Variants in TBX21 observed in about 807,000 individuals in gnomAD.
TBX21 encodes the protein T-box transcription factor TBX21.
A neutral mutation model predicts 52.2 loss-of-function variants in TBX21; 11 were observed. The observed-to-expected ratio is 0.21, with a 90% CI of 0.13 to 0.35. TBX21 has a LOEUF of 0.35. Ranked by LOEUF, TBX21 falls within the 10% of genes least tolerant of loss-of-function variation. TBX21 has a pLI of 1.00. For missense variants in TBX21, 625 were observed against 755.1 expected (o/e 0.83, Z 2.02); for synonymous variants, 300 against 316.1 (o/e 0.95, Z 0.54).
rs1280701267 is a variant in TBX21 at position 47,733,719 on chromosome 17, G to A, written c.265G>A (p.Ala89Thr). ...ACCCCAGGCGGCCGGCTTCCCCGGC[G>A]CGGGCGAGTCCTTCCCGCCGCCCGC... ...PRPQAAGFPG[A>T]GESFPPPADA... Residue 89 changes from alanine (A) to threonine (T), a missense_variant, in exon 1 of 6, where the codon GCG becomes ACG. By Grantham distance (58) the Ala-to-Thr change is moderately conservative. This residue lies in a region of TBX21 where 221 missense variants were observed against 204.9 expected (regional missense o/e 1.08). Transcript: ENST00000177694. The surrounding 1 kb of genome is among the most constrained non-coding windows in gnomAD (Gnocchi z 6.6). 3 of 1,420,632 alleles carry A rather than the reference G, an allele frequency of 2.1e-6. No individual in the cohort carries two copies. Among genetic ancestry groups the A allele is most frequent in the East Asian group, 3.1e-5 (1 of 32,436 alleles). The allele number at this position is 1,420,632 out of a possible 1,614,324, so 88.0% of individuals were successfully genotyped here.
intron 1 of TBX21, among the ~76,000 whole-genome samples, chr17:47,741,587 G>A (rs1275314950): frequency 6.6e-6 from 1 of 152,130 alleles, no homozygotes; most frequent in Non-Finnish European, 1.5e-5. Flanking sequence ...AAAGGCTGAG[G>A]GCAGACTATA....
At chr17:47,743,022 C>T (rs1036577543) in intron 2 of TBX21, 49 bp from the exon 3 acceptor site, 2 of 1,606,534 alleles carry the variant, frequency 1.2e-6, no homozygotes, top group African/African-American at 2.7e-5. Context: ...CCTACATCAC[C>T]AGGGTTCTGT....
chr17:47,734,170 C>T (rs1403728411), intron 1 of TBX21, among the ~76,000 whole-genome samples: 13 of 151,988 alleles, frequency 8.6e-5, no homozygotes, highest in African/African-American at 2.4e-5. Flanking sequence ...ACAAGGGAGA[C>T]GGGTGAGTGC....
At position 47,742,631 on chromosome 17, in the gene TBX21, A is replaced by AT; in HGVS notation, c.516dup (p.Thr173TyrfsTer93). 1 of 1,603,488 alleles carries AT rather than the reference A, an allele frequency of 6.2e-7. No homozygotes were observed. The highest frequency in any genetic ancestry group is 8.5e-7 in the Non-Finnish European group (1 of 1,175,540). ...CCAGGCGGATGTTCCCATTCCTGTC[A>AT]TTTACTGTGGCCGGGCTGGAGCCCA... On this transcript the variant is annotated frameshift_variant, in exon 2 of 6. Transcript: ENST00000177694. LOFTEE classifies it high-confidence loss of function. The surrounding 1 kb of genome is among the most constrained non-coding windows in gnomAD (Gnocchi z 4.4).
intron 1 of TBX21, among the ~76,000 whole-genome samples, chr17:47,734,474 C>T (rs2143419105): frequency 6.7e-6 from 1 of 149,412 alleles, no homozygotes; most frequent in Admixed American, 6.7e-5. Flanking sequence ...TGTGTGTGTA[C>T]GGGGGGAGAT....
At chr17:47,734,856 T>G (rs1388964702) in intron 1 of TBX21, among the ~76,000 whole-genome samples, 1 of 152,030 alleles carries the variant, frequency 6.6e-6, no homozygotes, top group East Asian at 1.9e-4. Context: ...GCTTCATGGC[T>G]CAGGGTTCCT....
chr17:47,745,591 C>G lies in TBX21; in HGVS notation c.*225C>G, dbSNP rs2143440287. 2 of 532,322 alleles carry G rather than the reference C, an allele frequency of 3.8e-6. No individual in the cohort carries two copies. Among genetic ancestry groups the G allele is most frequent in the East Asian group, 6.4e-5 (2 of 31,090 alleles). The allele number at this position is 532,322 out of a possible 1,614,324, so 33.0% of individuals were successfully genotyped here. ...GGTGTCCCCTTGCCCCATCCTCTGC[C>G]CTAACTACAGTCGTTTACCTGGTGC... On this transcript the variant is annotated 3_prime_UTR_variant, in exon 6 of 6. Transcript: ENST00000177694.
At chr17:47,734,601 G>A (rs866187033) in intron 1 of TBX21, among the ~76,000 whole-genome samples, 141 of 116,312 alleles carry the variant, frequency 1.2e-3, no homozygotes, top group Middle Eastern at 8.8e-3. Context: ...GTGTGTGTGT[G>A]TGTGTGTGTA....
chr17:47,743,332 T>C (rs2032289061), intron 3 of TBX21, 140 bp downstream of exon 3: 1 of 1,189,410 alleles, frequency 8.4e-7, no homozygotes, highest in Non-Finnish European at 1.2e-6. Flanking sequence ...GTTTTTCTTC[T>C]GTCCTAAACG....
In TBX21 at chr17:47,744,921, G is replaced by C. The variant is rs757616992; in HGVS notation, c.1163G>C (p.Gly388Ala). 2 of 1,614,168 alleles carry C rather than the reference G, an allele frequency of 1.2e-6. No homozygotes were observed. The highest frequency in any genetic ancestry group is 2.7e-5 in the African/African-American group (2 of 75,046). Residue 388 changes from glycine (G) to alanine (A), a missense_variant, in exon 6 of 6, where the codon GGG becomes GCG. Gly to Ala is a moderately conservative substitution (Grantham distance 60, BLOSUM62 0). This residue lies in a region of TBX21 where 261 missense variants were observed against 275.1 expected (regional missense o/e 0.95). Transcript: ENST00000177694. ...GTGGTTCCCCAGGCTTACTGGCTGG[G>C]GGCCCCCCGGGACCACAGCTATGAG... ...KDVVPQAYWL[G>A]APRDHSYEAE...
Position 47,733,604 on chromosome 17 carries a change from G to A in TBX21, c.150G>A (p.Gly50=), listed in dbSNP as rs935125266. 17 of 1,451,094 alleles carry A rather than the reference G, an allele frequency of 1.2e-5. No individual in the cohort carries two copies. In the African/African-American group the frequency reaches 2.4e-4, roughly 20 times the overall value. The allele number at this position is 1,451,094 out of a possible 1,614,324, so 89.9% of individuals were successfully genotyped here. A position where few individuals can be genotyped will look rare whatever the true frequency, so the allele number is the denominator to read the frequency against. The change falls in exon 1 of 6, where the codon GGG becomes GGA. Residue 50 remains glycine (G), a synonymous_variant. Coordinates refer to ENST00000177694, the MANE Select transcript of TBX21 (RefSeq NM_013351.2). The surrounding 1 kb of genome is among the most constrained non-coding windows in gnomAD (Gnocchi z 6.6). ...CGCAGGACGCGGACGAGCGTCGCGGGGGCGGCAGCCTGGGGTCTCCCTACC... is the reference window on the plus strand; with the variant it reads ...CGCAGGACGCGGACGAGCGTCGCGGAGGCGGCAGCCTGGGGTCTCCCTACC... The part of the protein sequence containing the change: ...PGAQDADERR[G]GGSLGSPYPG...
Position 47,742,605 on chromosome 17 carries a change from T to A in TBX21, c.492-5T>A. 1 of 1,598,032 alleles carries A rather than the reference T, an allele frequency of 6.3e-7. No homozygotes were observed. Among genetic ancestry groups the A allele is most frequent in the Non-Finnish European group, 8.5e-7 (1 of 1,170,788 alleles). ...GGTGCTGGGGGCTTTCTCTCTTCTC[T>A]CCAGGCGGATGTTCCCATTCCTGTC... is the stretch of plus-strand genomic sequence containing the variant. On this transcript the variant is annotated splice_polypyrimidine_tract_variant and splice_region_variant and intron_variant, in intron 1 of 5. Transcript: ENST00000177694. The surrounding 1 kb of genome is among the most constrained non-coding windows in gnomAD (Gnocchi z 4.4).
At chr17:47,739,396 C>A (rs1428587741) in intron 1 of TBX21, among the ~76,000 whole-genome samples, 1 of 151,962 alleles carries the variant, frequency 6.6e-6, no homozygotes, top group Non-Finnish European at 1.5e-5. Flanking sequence ...GAGGCCAAGG[C>A]AGGAGGATTG....
intron 1 of TBX21, among the ~76,000 whole-genome samples, chr17:47,738,103 T>G (rs990412753): frequency 3.3e-5 from 5 of 152,144 alleles, no homozygotes; most frequent in Non-Finnish European, 4.4e-5. Context: ...TTTTTTAGGC[T>G]TAAGCATGCT....
At chr17:47,741,434 C>T (rs940900900) in intron 1 of TBX21, among the ~76,000 whole-genome samples, 1 of 151,852 alleles carries the variant, frequency 6.6e-6, no homozygotes, top group Non-Finnish European at 1.5e-5. Flanking sequence ...GGCACAACAG[C>T]GGAATCATAC....
chr17:47,740,588 G>A lies in TBX21; in HGVS notation c.492-2022G>A, dbSNP rs550478499. Reference sequence around the variant, plus strand: ...TCTACTAAAAATACAAAAATTAGCCGGGTATGGTGGCACATGCCTGTAGTC... The same window carrying A: ...TCTACTAAAAATACAAAAATTAGCCAGGTATGGTGGCACATGCCTGTAGTC... On this transcript the variant is annotated intron_variant, in intron 1 of 5. Transcript: ENST00000177694. Among the ~76,000 whole-genome samples the A allele has an allele frequency of 4.6e-5, 7 of 152,208 alleles. No homozygotes were observed. The South Asian group carries it at 6.2e-4, about 14-fold the overall frequency.
At chr17:47,734,603 G>GTA in intron 1 of TBX21, among the ~76,000 whole-genome samples, 1 of 109,662 alleles carries the variant, frequency 9.1e-6, no homozygotes, top group African/African-American at 3.5e-5. Context: ...GTGTGTGTGT[G>GTA]TGTGTGTATG....
chr17:47,742,971 C>G lies in TBX21; in HGVS notation c.647-100C>G. ...TCTGCCCTTCCCTGCCTGGTCCTCC[C>G]CCTGTGTCCTTCCTTACGTCCCTCT... On this transcript the variant is annotated intron_variant, in intron 2 of 5. Transcript: ENST00000177694. This position sits in a 1 kb window ranked among gnomAD's most constrained non-coding sequence, Gnocchi z 4.4. The G allele has an allele frequency of 1.3e-6, 2 of 1,555,272 alleles. No individual in the cohort carries two copies. Among genetic ancestry groups the G allele is most frequent in the Non-Finnish European group, 1.7e-6 (2 of 1,153,494 alleles).
rs761035786 is a variant in TBX21, at chr17:47,742,238, T to TTTG, written c.492-358_492-356dup. Among the ~76,000 whole-genome samples the TTTG allele has an allele frequency of 2.3e-4, 35 of 151,826 alleles. No individual in the cohort carries two copies. The highest frequency in any genetic ancestry group is 6.8e-3 in the Middle Eastern group (2 of 294). On this transcript the variant is annotated intron_variant, in intron 1 of 5. Transcript: ENST00000177694. This position sits in a 1 kb window ranked among gnomAD's most constrained non-coding sequence, Gnocchi z 4.4. ...GCGCCCACGACCACACCCAGCTATT[T>TTTG]TTGTTGTTGTTGTTGTACTTTTTAG...
Sources: gnomAD v4.1 joint callset for allele counts (sites outside exome capture counted in the v4.1 genomes callset) on GRCh38, gnomAD v4.1.1 for gene constraint, gnomAD v4.1.1 regional missense constraint, Gnocchi (gnomAD v3.1) non-coding constraint, MANE v1.5 for transcripts, NCBI Gene and HGNC (gene_info 2026-07-23, HGNC 2026-07-21) for gene names.